Variants in OPRD1 observed in about 807,000 individuals in gnomAD.
OPRD1 encodes delta-type opioid receptor.
In OPRD1, 19 loss-of-function variants were observed where a neutral mutation model predicts 17.5. That is an observed-to-expected ratio of 1.09 (90% CI 0.76 to 1.60). OPRD1 has a LOEUF of 1.60. Among genes scored for constraint, OPRD1 ranks in the 40% most tolerant of loss-of-function variants. The probability of loss-of-function intolerance (pLI) is 0.00; values close to 1 mark genes in which losing one functional copy is unlikely to be tolerated. For missense variants in OPRD1, 483 were observed against 547.2 expected, an observed-to-expected ratio of 0.88 and a Z score of 1.17; for synonymous variants, 256 against 240.9, an observed-to-expected ratio of 1.06 and a Z score of -0.58.
At chr1:28,856,618 A>G (rs1225812177) in intron 1 of OPRD1, among the ~76,000 whole-genome samples, 1 of 152,102 alleles carries the variant, frequency 6.6e-6, no homozygotes, top group Admixed American at 6.5e-5. Flanking sequence ...TGGTGGTGAC[A>G]CTGCATTTGG....
At chr1:28,823,695 A>G (rs1461974207) in intron 1 of OPRD1, among the ~76,000 whole-genome samples, 1 of 151,306 alleles carries the variant, frequency 6.6e-6, no homozygotes, top group Non-Finnish European at 1.5e-5. Flanking sequence ...TGCCTGGCCA[A>G]TTTTTGTATT....
chr1:28,862,755 G>A lies in OPRD1; in HGVS notation c.591G>A (p.Val197=), dbSNP rs772790919. 6 of 1,609,064 alleles carry A rather than the reference G, an allele frequency of 3.7e-6. No individual in the cohort carries two copies. Among genetic ancestry groups the A allele is most frequent in the South Asian group, 1.1e-5 (1 of 90,262 alleles). Residue 197 remains valine (V), a synonymous_variant, in exon 3 of 3, where the codon GTG becomes GTA. Coordinates refer to ENST00000234961, the MANE Select transcript of OPRD1 (RefSeq NM_000911.4). Reference sequence around the variant, plus strand: ...TCCGCGGCCCAGACGGGGCAGTGGTGTGCATGCTCCAGTTCCCCAGCCCCA... The same window carrying A: ...TCCGCGGCCCAGACGGGGCAGTGGTATGCATGCTCCAGTTCCCCAGCCCCA... ...AVTRPRDGAV[V]CMLQFPSPSW...
chr1:28,844,268 G>A (rs894676896), intron 1 of OPRD1, among the ~76,000 whole-genome samples: 6 of 151,472 alleles, frequency 4.0e-5, no homozygotes, highest in Non-Finnish European at 8.8e-5. Flanking sequence ...TCTTTTCATG[G>A]GCTTATTGGC....
Position 28,845,624 on chromosome 1 carries a change from CAAAT to C in OPRD1, c.228-13326_228-13323del, listed in dbSNP as rs904413611. Among the ~76,000 whole-genome samples the C allele has an allele frequency of 7.2e-5, 11 of 151,790 alleles. No homozygotes were observed. In the South Asian group the frequency reaches 1.5e-3, roughly 20 times the overall value. ...GAGGAAAAAAAGAAAGAAAAACAAA[CAAAT>C]AAACACAAGAAATCATTGCCAAATC... is the stretch of plus-strand genomic sequence containing the variant. On this transcript the variant is annotated intron_variant, in intron 1 of 2. Transcript: ENST00000234961.
At chr1:28,853,741 C>A (rs909635686) in intron 1 of OPRD1, among the ~76,000 whole-genome samples, 1 of 145,006 alleles carries the variant, frequency 6.9e-6, no homozygotes, top group Non-Finnish European at 1.5e-5. Context: ...ATAAAATTTT[C>A]TTTTTTTTTT....
At chr1:28,825,274 G>T (rs566733009) in intron 1 of OPRD1, among the ~76,000 whole-genome samples, 20 of 152,278 alleles carry the variant, frequency 1.3e-4, no homozygotes, top group African/African-American at 4.8e-4. Context: ...GACTAGAACT[G>T]CTTTTCCTAT....
chr1:28,813,001 C>T (rs748722308), intron 1 of OPRD1, among the ~76,000 whole-genome samples: 2 of 152,114 alleles, frequency 1.3e-5, no homozygotes, highest in Non-Finnish European at 2.9e-5. Context: ...CAGAGCTGCT[C>T]TGAGGTGCCG....
intron 2 of OPRD1, among the ~76,000 whole-genome samples, chr1:28,860,805 C>T (rs1382227357): frequency 2.0e-5 from 3 of 152,170 alleles, no homozygotes; most frequent in African/African-American, 7.2e-5. Flanking sequence ...AGGGTTGATG[C>T]TGTGGGTGGG....
intron 1 of OPRD1, among the ~76,000 whole-genome samples, chr1:28,832,131 C>T (rs1367891647): frequency 6.6e-6 from 1 of 152,134 alleles, no homozygotes; most frequent in African/African-American, 2.4e-5. Flanking sequence ...GAAGGCTGAA[C>T]CTATGATACC....
intron 1 of OPRD1, among the ~76,000 whole-genome samples, chr1:28,828,608 C>T (rs2088786010): frequency 6.7e-6 from 1 of 149,758 alleles, no homozygotes; most frequent in Non-Finnish European, 1.5e-5. Flanking sequence ...GTCGCTTGAG[C>T]TCAGAAGTTC....
intron 1 of OPRD1, among the ~76,000 whole-genome samples, chr1:28,824,313 CTTTTTTT>C (rs58074384): frequency 1.0e-3 from 111 of 109,816 alleles, no homozygotes; most frequent in African/African-American, 1.5e-3. Flanking sequence ...TTTCTTTTTT[CTTTTTTT>C]TTTTTTTTTT....
chr1:28,836,644 A>G (rs1480441593), intron 1 of OPRD1, among the ~76,000 whole-genome samples: 3 of 152,106 alleles, frequency 2.0e-5, no homozygotes, highest in Non-Finnish European at 4.4e-5. Context: ...GGTTGCTGGC[A>G]ATCCTTGGCA....
chr1:28,833,554 C>A (rs1227098974), intron 1 of OPRD1, among the ~76,000 whole-genome samples: 1 of 152,168 alleles, frequency 6.6e-6, no homozygotes, highest in East Asian at 1.9e-4. Flanking sequence ...CCCAGATGAT[C>A]AAGGATAATC....
rs2089089379 is a variant in OPRD1 at position 28,859,269 on chromosome 1, G to A, written c.543G>A (p.Val181=). 1 of 1,614,044 alleles carries A rather than the reference G, an allele frequency of 6.2e-7. No individual in the cohort carries two copies. Among genetic ancestry groups the A allele is most frequent in the Non-Finnish European group, 8.5e-7 (1 of 1,180,006 alleles). Reference sequence around the variant, plus strand: ...GGGTCCTGGCCTCAGGCGTTGGCGTGCCCATCATGGTCATGGCTGTGACCC... The same window carrying A: ...GGGTCCTGGCCTCAGGCGTTGGCGTACCCATCATGGTCATGGCTGTGACCC... ...CIWVLASGVG[V]PIMVMAVTRP... The change falls in exon 2 of 3, where the codon GTG becomes GTA. Residue 181 remains valine, a synonymous_variant. Transcript: ENST00000234961.
chr1:28,850,883 A>G (rs1363541605), intron 1 of OPRD1, among the ~76,000 whole-genome samples: 3 of 151,740 alleles, frequency 2.0e-5, no homozygotes, highest in Non-Finnish European at 2.9e-5. Flanking sequence ...TTCCCAGAGG[A>G]TATAACAAAA....
At chr1:28,862,662 A>G in intron 2 of OPRD1, 80 bp from the exon 3 acceptor site, 1 of 1,392,036 alleles carries the variant, frequency 7.2e-7, no homozygotes, top group Middle Eastern at 1.8e-4. Context: ...CAAGCCTTGA[A>G]AGGGTGGGCA....
chr1:28,841,978 C>G (rs1366492409), intron 1 of OPRD1, among the ~76,000 whole-genome samples: 3 of 151,682 alleles, frequency 2.0e-5, no homozygotes, highest in Non-Finnish European at 2.9e-5. Flanking sequence ...CCCACCTCAG[C>G]CTCCCAAAGT....
chr1:28,835,792 T>G (rs2088846749), intron 1 of OPRD1, among the ~76,000 whole-genome samples: 1 of 151,978 alleles, frequency 6.6e-6, no homozygotes, highest in African/African-American at 2.4e-5. Flanking sequence ...TGGTTAGGAG[T>G]GTGGGTTCTG....
intron 1 of OPRD1, among the ~76,000 whole-genome samples, chr1:28,839,949 A>T (rs547310104): frequency 6.6e-6 from 1 of 152,250 alleles, no homozygotes; most frequent in African/African-American, 2.4e-5. Flanking sequence ...AGATGCTCTG[A>T]TTCGATCTCT....
Sources: allele counts gnomAD v4.1 joint callset (sites outside exome capture counted in the v4.1 genomes callset), GRCh38; gene constraint gnomAD v4.1.1; transcripts MANE v1.5; gene names NCBI Gene and HGNC (gene_info 2026-07-23, HGNC 2026-07-21).